PAPPA: variants seen among roughly 807,000 people sequenced by gnomAD.
The protein encoded by PAPPA is pappalysin-1.
In PAPPA, 60 loss-of-function variants were observed where a neutral mutation model predicts 164.0. The ratio of observed to expected loss-of-function variants is 0.37; its 90% CI spans 0.30 to 0.45. The LOEUF is 0.45. Among genes scored for constraint, PAPPA ranks in the 20% least tolerant of loss-of-function variants. The pLI is 1.00. For missense variants in PAPPA, 1,782 were observed against 2,087.3 expected, an observed-to-expected ratio of 0.85 and a Z score of 2.85; for synonymous variants, 875 against 814.1, an observed-to-expected ratio of 1.07 and a Z score of -1.27.
Position 116,202,125 on chromosome 9 carries a change from G to A in PAPPA, c.1479-5331G>A, listed in dbSNP as rs550570871. Among the ~76,000 whole-genome samples, 25 of 152,228 alleles carry A rather than the reference G, an allele frequency of 1.6e-4. No homozygotes were observed. The East Asian group carries it at 4.2e-3, about 26-fold the overall frequency. Reference sequence around the variant, plus strand: ...TCACTGTAAGCTGTACCATTGAAACGGGAAGGCCAGTGTATTATGCTTCTA... The same window carrying A: ...TCACTGTAAGCTGTACCATTGAAACAGGAAGGCCAGTGTATTATGCTTCTA... On this transcript the variant is annotated intron_variant, in intron 2 of 21. Transcript: ENST00000328252.
intron 17 of PAPPA, 21 bp from the exon 18 acceptor site, chr9:116,362,571 C>T (rs1359306079): frequency 1.2e-6 from 2 of 1,609,004 alleles, no homozygotes; most frequent in Non-Finnish European, 1.7e-6. Flanking sequence ...TTGGTCCTAA[C>T]TCTGTTTCTC....
intron 17 of PAPPA, among the ~76,000 whole-genome samples, chr9:116,357,261 T>C (rs1445349765): frequency 6.6e-6 from 1 of 152,258 alleles, no homozygotes; most frequent in Non-Finnish European, 1.5e-5. Flanking sequence ...TAATTTGAAG[T>C]AATTCAAAGT....
At chr9:116,350,166 T>C (rs986000673) in intron 15 of PAPPA, among the ~76,000 whole-genome samples, 2 of 152,174 alleles carry the variant, frequency 1.3e-5, no homozygotes, top group Non-Finnish European at 2.9e-5. Context: ...AGAGTAAGCA[T>C]CAATGACCAG....
chr9:116,187,053 TCTAGG>T lies in PAPPA; in HGVS notation c.416-100_416-96del, dbSNP rs914356606. On this transcript the variant is annotated intron_variant, in intron 1 of 21. Coordinates refer to ENST00000328252, the MANE Select transcript of PAPPA (RefSeq NM_002581.5). The surrounding 1 kb of genome is among the most constrained non-coding windows in gnomAD (Gnocchi z 4.2). ...CACAGAGCAGTTGGAAAGCGATGAG[TCTAGG>T]ATAACCTGATACAAATTTTATTAGA... 7.7e-5 allele frequency: 66 copies of T among 860,622 alleles called. No homozygotes were observed. The Admixed American group carries it at 1.5e-3, about 20-fold the overall frequency. The allele number at this position is 860,622 out of a possible 1,614,324, so 53.3% of individuals were successfully genotyped here.
At chr9:116,167,269 A>G (rs1843728759) in intron 1 of PAPPA, among the ~76,000 whole-genome samples, 1 of 152,190 alleles carries the variant, frequency 6.6e-6, no homozygotes, top group Non-Finnish European at 1.5e-5. Context: ...ACCCACACAC[A>G]TCCTCTCATA....
intron 10 of PAPPA, among the ~76,000 whole-genome samples, chr9:116,311,089 G>C (rs1171821107): frequency 7.1e-6 from 1 of 139,916 alleles, no homozygotes; most frequent in Non-Finnish European, 1.5e-5. Flanking sequence ...TAACAGAATA[G>C]TATTTGGGGC....
chr9:116,264,389 G>T (rs1259623415), intron 7 of PAPPA, among the ~76,000 whole-genome samples: 1 of 152,108 alleles, frequency 6.6e-6, no homozygotes, highest in African/African-American at 2.4e-5. Flanking sequence ...AGGGATTTTT[G>T]GTCTACCCAC....
chr9:116,186,206 ATGTGTG>A lies in PAPPA; in HGVS notation c.416-922_416-917del, dbSNP rs3037575. On this transcript the variant is annotated intron_variant, in intron 1 of 21. Coordinates refer to ENST00000328252, the MANE Select transcript of PAPPA (RefSeq NM_002581.5). ...TTTATGTTAAGAAGGCACTCATTAT[ATGTGTG>A]TGTGTGTGTGTGTGTGTGTGTGTGT... Among the ~76,000 whole-genome samples the A allele has an allele frequency of 4.2e-3, 603 of 145,212 alleles. 3 individuals are homozygous for A. The highest frequency in any genetic ancestry group is 0.011 in the Middle Eastern group (3 of 278).
chr9:116,261,385 T>A (rs1844999110), intron 7 of PAPPA, among the ~76,000 whole-genome samples: 1 of 152,180 alleles, frequency 6.6e-6, no homozygotes, highest in Non-Finnish European at 1.5e-5. Context: ...CAAAATGTGA[T>A]GTTTCCATAG....
chr9:116,377,798 C>T, intron 20 of PAPPA, 151 bp downstream of exon 20: 2 of 615,634 alleles, frequency 3.2e-6, no homozygotes, highest in Non-Finnish European at 5.8e-6. Context: ...GATTAGCAGC[C>T]TTATTTTACA....
intron 7 of PAPPA, among the ~76,000 whole-genome samples, chr9:116,244,036 C>G (rs1024941856): frequency 2.6e-5 from 4 of 152,166 alleles, no homozygotes; most frequent in African/African-American, 9.7e-5. Context: ...GTTCTGGAAA[C>G]CAGGCATTAT....
At chr9:116,252,922 T>C (rs1844876883) in intron 7 of PAPPA, among the ~76,000 whole-genome samples, 1 of 152,240 alleles carries the variant, frequency 6.6e-6, no homozygotes, top group African/African-American at 2.4e-5. Context: ...CATTTTTTGA[T>C]ATGTGTGCTT....
chr9:116,277,397 C>G (rs2118836870), intron 9 of PAPPA, among the ~76,000 whole-genome samples: 1 of 152,162 alleles, frequency 6.6e-6, no homozygotes, highest in African/African-American at 2.4e-5. Flanking sequence ...GATAATATCT[C>G]AGCTAGGTTG....
At chr9:116,272,316 CAG>C (rs1158628434) in intron 9 of PAPPA, among the ~76,000 whole-genome samples, 2 of 152,186 alleles carry the variant, frequency 1.3e-5, no homozygotes, top group Non-Finnish European at 2.9e-5. Flanking sequence ...GTACAAAAGA[CAG>C]AGGTGCTCTA....
At position 116,226,017 on chromosome 9, in the gene PAPPA, G is replaced by C. The variant is rs548434822; in HGVS notation, c.2112-1414G>C. On this transcript the variant is annotated intron_variant, in intron 5 of 21. Coordinates refer to ENST00000328252, the MANE Select transcript of PAPPA (RefSeq NM_002581.5). ...TAAACTCTCCTGCATGTCAAAAAAAGTTTTCACAGAGGAAATGATGTCAAA... is the reference window on the plus strand; with the variant it reads ...TAAACTCTCCTGCATGTCAAAAAAACTTTTCACAGAGGAAATGATGTCAAA... Among the ~76,000 whole-genome samples the C allele has an allele frequency of 3.0e-4, 46 of 151,532 alleles. No individual in the cohort carries two copies. The South Asian group carries it at 8.8e-3, about 29-fold the overall frequency.
At chr9:116,366,072 T>C (rs887526478) in intron 18 of PAPPA, among the ~76,000 whole-genome samples, 11 of 152,170 alleles carry the variant, frequency 7.2e-5, no homozygotes, top group African/African-American at 2.7e-4. Flanking sequence ...TAGAATAGGA[T>C]ATTTAAAGAA....
rs1392140693 is a variant in PAPPA at position 116,399,614 on chromosome 9, T to G, written c.*2998T>G. 1 of 152,608 alleles carries G rather than the reference T, an allele frequency of 6.6e-6. No homozygotes were observed. Among genetic ancestry groups the G allele is most frequent in the Non-Finnish European group, 1.5e-5 (1 of 68,034 alleles). 9.5% of individuals were successfully genotyped at this position (152,608 alleles called of 1,614,324 possible). A position where few individuals can be genotyped will look rare whatever the true frequency, so the allele number is the denominator to read the frequency against. On this transcript the variant is annotated 3_prime_UTR_variant, in exon 22 of 22. Coordinates refer to ENST00000328252, the MANE Select transcript of PAPPA (RefSeq NM_002581.5). ...ATTGTTAGCAGCAAAATATGAAAGA[T>G]GAGGTGGACAGTCCTCTAAGCCCTA...
chr9:116,392,265 T>TC (rs903366292), intron 21 of PAPPA, among the ~76,000 whole-genome samples: 39 of 152,304 alleles, frequency 2.6e-4, no homozygotes, highest in African/African-American at 7.2e-4. Flanking sequence ...ACCTTTTTTT[T>TC]CCCCCTTCTT....
intron 2 of PAPPA, among the ~76,000 whole-genome samples, chr9:116,198,787 G>A (rs538960110): frequency 6.6e-6 from 1 of 152,286 alleles, no homozygotes; most frequent in African/African-American, 2.4e-5. Flanking sequence ...AAAAATAGCA[G>A]CTGTGTAGTT....
Sources: allele counts gnomAD v4.1 joint callset (sites outside exome capture counted in the v4.1 genomes callset), GRCh38; gene constraint gnomAD v4.1.1; non-coding constraint Gnocchi (gnomAD v3.1); transcripts MANE v1.5; gene names NCBI Gene and HGNC (gene_info 2026-07-23, HGNC 2026-07-21).